NRG3: variants seen among roughly 807,000 people sequenced by gnomAD.
NRG3 encodes the protein neuregulin 3, also known as pro-neuregulin-3, membrane-bound isoform.
In NRG3, 31 loss-of-function variants were observed where a neutral mutation model predicts 66.9. That is an observed-to-expected ratio of 0.46 (90% CI 0.35 to 0.63). NRG3 has a LOEUF of 0.63. Ranked by LOEUF, NRG3 falls within the 20% of genes least tolerant of loss-of-function variation. The pLI, the probability that NRG3 is intolerant of heterozygous loss-of-function variation, is 0.00. For synonymous variants in NRG3, 393 were observed against 359.4 expected, an observed-to-expected ratio of 1.09 and a Z score of -1.06; for missense variants, 910 against 878.9, an observed-to-expected ratio of 1.04 and a Z score of -0.45.
At chr10:82,555,489 A>T (rs2044589595) in intron 2 of NRG3, among the ~76,000 whole-genome samples, 2 of 152,100 alleles carry the variant, frequency 1.3e-5, no homozygotes, top group African/African-American at 4.8e-5. Context: ...TTTTTTTCCT[A>T]AAAGCTACTG....
At chr10:82,742,875 A>G (rs1012125539) in intron 3 of NRG3, among the ~76,000 whole-genome samples, 3 of 152,140 alleles carry the variant, frequency 2.0e-5, no homozygotes, top group African/African-American at 4.8e-5. Flanking sequence ...TGTGTCAGTC[A>G]GAACTGTGAG....
intron 4 of NRG3, among the ~76,000 whole-genome samples, chr10:82,917,086 T>G (rs1021405076): frequency 2.4e-4 from 36 of 152,242 alleles, no homozygotes; most frequent in African/African-American, 8.4e-4. Context: ...CCTCAGGGAA[T>G]GTAATCATAC....
chr10:82,199,844 T>C (rs956539772), intron 1 of NRG3, among the ~76,000 whole-genome samples: 1 of 150,980 alleles, frequency 6.6e-6, no homozygotes, highest in Non-Finnish European at 1.5e-5. Context: ...TAACGTCTGA[T>C]GCCCGCTATC....
At chr10:82,639,729 A>C (rs1031371220) in intron 2 of NRG3, among the ~76,000 whole-genome samples, 1 of 151,852 alleles carries the variant, frequency 6.6e-6, no homozygotes, top group Non-Finnish European at 1.5e-5. Context: ...TCTTGGCTGT[A>C]AGAATTTCTT....
chr10:82,417,216 T>C (rs1268854225), intron 2 of NRG3, among the ~76,000 whole-genome samples: 1 of 152,168 alleles, frequency 6.6e-6, no homozygotes, highest in African/African-American at 2.4e-5. Flanking sequence ...TCTGAAAATA[T>C]GAATAAAAGA....
chr10:82,367,001 C>A (rs1016323048), intron 2 of NRG3, among the ~76,000 whole-genome samples: 5 of 152,156 alleles, frequency 3.3e-5, no homozygotes, highest in Non-Finnish European at 5.9e-5. Flanking sequence ...ATAAGCAAGG[C>A]GTGTTCGACT....
chr10:82,865,418 C>T lies in NRG3; in HGVS notation c.1035C>T (p.His345=). 1 of 1,612,878 alleles carries T rather than the reference C, an allele frequency of 6.2e-7. No homozygotes were observed. The highest frequency in any genetic ancestry group is 8.5e-7 in the Non-Finnish European group (1 of 1,179,312). ...ATGCTGACTTTGGTGTAGCAGACCA[C>T]TTGGGGATTGAATTCATGGGTAAGA... ...TDSILSDPTD[H]LGIEFMESEE... is the part of the protein sequence containing the mutation. The change falls in exon 4 of 9, where the codon CAC becomes CAT. Residue 345 remains histidine (H), a synonymous_variant. Transcript: ENST00000372141.
chr10:81,959,492 G>T (rs926491493), intron 1 of NRG3, among the ~76,000 whole-genome samples: 6 of 151,970 alleles, frequency 3.9e-5, no homozygotes, highest in African/African-American at 1.5e-4. Flanking sequence ...ATATTTGCTG[G>T]ATTGCTTACT....
intron 1 of NRG3, among the ~76,000 whole-genome samples, chr10:82,053,740 G>A (rs2063708111): frequency 6.6e-6 from 1 of 152,012 alleles, no homozygotes; most frequent in African/African-American, 2.4e-5. Flanking sequence ...CATTTTTTTT[G>A]TAAGGACATA....
At chr10:82,464,545 A>G (rs888557780) in intron 2 of NRG3, among the ~76,000 whole-genome samples, 12 of 152,166 alleles carry the variant, frequency 7.9e-5, no homozygotes, top group African/African-American at 2.9e-4. Flanking sequence ...TCTGAGAGTC[A>G]AAGTGCCCGG....
At chr10:82,936,939 A>G (rs1592019442) in intron 4 of NRG3, among the ~76,000 whole-genome samples, 1 of 152,222 alleles carries the variant, frequency 6.6e-6, no homozygotes, top group East Asian at 1.9e-4. Context: ...TCTTTGAAAA[A>G]TCAAGTTAAA....
intron 3 of NRG3, among the ~76,000 whole-genome samples, chr10:82,828,676 G>T (rs1174698105): frequency 6.6e-6 from 1 of 152,156 alleles, no homozygotes; most frequent in Non-Finnish European, 1.5e-5. Context: ...TCACAGATAA[G>T]ATTTTTCACT....
intron 1 of NRG3, among the ~76,000 whole-genome samples, chr10:82,059,741 C>A (rs1469546393): frequency 6.6e-6 from 1 of 152,114 alleles, no homozygotes; most frequent in African/African-American, 2.4e-5. Flanking sequence ...AGGATGGATT[C>A]TTCGCTTTCC....
intron 1 of NRG3, among the ~76,000 whole-genome samples, chr10:81,931,945 G>A (rs1221549898): frequency 6.6e-6 from 1 of 152,112 alleles, no homozygotes; most frequent in African/African-American, 2.4e-5. Flanking sequence ...TCAGGATAAG[G>A]CACGTGTATA....
At position 82,303,790 on chromosome 10, in the gene NRG3, C is replaced by T. The variant is rs183099944; in HGVS notation, c.824-54949C>T. Among the ~76,000 whole-genome samples, 411 of 152,006 alleles carry T rather than the reference C, an allele frequency of 2.7e-3. 2 individuals carry two copies. Among genetic ancestry groups the T allele is most frequent in the African/African-American group, 9.3e-3 (385 of 41,424 alleles). On this transcript the variant is annotated intron_variant, in intron 1 of 8. Transcript: ENST00000372141. ...GGCTGAGGCAGAGAATTGCTTGAAC[C>T]CGGGAGGCAGAGGTTGCAGTGAGCC...
At chr10:82,120,860 G>C (rs1186050409) in intron 1 of NRG3, among the ~76,000 whole-genome samples, 1 of 152,100 alleles carries the variant, frequency 6.6e-6, no homozygotes, top group Non-Finnish European at 1.5e-5. Context: ...CATACGGGGA[G>C]TCTCATTACT....
Position 81,875,317 on chromosome 10 carries a change from C to A in NRG3, c.-24C>A, listed in dbSNP as rs2132416066. ...GCCTCTGCCGCGGCCCTCGGGGGGG[C>A]GAAGGTGAAGACCGGCTCCTAGGAT... On this transcript the variant is annotated 5_prime_UTR_variant, in exon 1 of 9. Transcript: ENST00000372141. This position sits in a 1 kb window ranked among gnomAD's most constrained non-coding sequence, Gnocchi z 5.3. 7 of 984,070 alleles carry A rather than the reference C, an allele frequency of 7.1e-6. No homozygotes were observed. Among genetic ancestry groups the A allele is most frequent in the Non-Finnish European group, 8.4e-6 (7 of 830,682 alleles). 61.0% of individuals were successfully genotyped at this position (984,070 alleles called of 1,614,324 possible).
At chr10:82,384,947 T>G (rs2135896889) in intron 2 of NRG3, among the ~76,000 whole-genome samples, 1 of 152,286 alleles carries the variant, frequency 6.6e-6, no homozygotes, top group East Asian at 1.9e-4. Flanking sequence ...TCTGTTGTTT[T>G]TTGCCTTCTT....
At chr10:82,596,505 A>G (rs188276644) in intron 2 of NRG3, among the ~76,000 whole-genome samples, 1 of 152,246 alleles carries the variant, frequency 6.6e-6, no homozygotes, top group Admixed American at 6.5e-5. Flanking sequence ...GGTTGGGCTC[A>G]TTTTGGTCAG....
Sources: gnomAD v4.1 joint callset for allele counts (sites outside exome capture counted in the v4.1 genomes callset) on GRCh38, gnomAD v4.1.1 for gene constraint, Gnocchi (gnomAD v3.1) non-coding constraint, MANE v1.5 for transcripts, NCBI Gene and HGNC (gene_info 2026-07-23, HGNC 2026-07-21) for gene names.